The following ZNF264 variants were observed in gnomAD, a reference collection of about 807,000 sequenced individuals.
The protein encoded by ZNF264 is zinc finger protein 264.
In ZNF264, 11 loss-of-function variants were observed where a neutral mutation model predicts 11.2. That is an observed-to-expected ratio of 0.98 (90% CI 0.62 to 1.63). The LOEUF (loss-of-function observed/expected upper bound fraction) is 1.63, where lower values mean the gene tolerates loss of function less well. ZNF264 is among the 40% of genes most tolerant of loss of function. The pLI is 0.00. For synonymous variants in ZNF264, 309 were observed against 279.8 expected (o/e 1.10, Z -1.04); for missense variants, 752 against 768.1 (o/e 0.98, Z 0.25).
chr19:57,192,685 C>A, intron 1 of ZNF264: 1 of 471,394 alleles, frequency 2.1e-6, no homozygotes, highest in Non-Finnish European at 2.8e-6. Flanking sequence ...TCCAGTGCCG[C>A]TCTGTGGGGT....
rs1437280967 is a variant in ZNF264 at position 57,215,553 on chromosome 19, A to G, written c.*2572A>G. 1.3e-5 allele frequency: 2 copies of G among 152,072 alleles called. No individual in the cohort carries two copies. Among genetic ancestry groups the G allele is most frequent in the African/African-American group, 2.4e-5 (1 of 41,426 alleles). The allele number at this position is 152,072 out of a possible 1,614,324, so 9.4% of individuals were successfully genotyped here. On this transcript the variant is annotated 3_prime_UTR_variant, in exon 4 of 4. Transcript: ENST00000263095. ...TTCTTTGATTTCTGCTCTGATCGGT[A>G]TTATATTCCACTTGCTTTGGTTGTA...
Position 57,200,959 on chromosome 19 carries a change from C to A in ZNF264, c.161-4438C>A, listed in dbSNP as rs190913856. Among the ~76,000 whole-genome samples the A allele has an allele frequency of 6.2e-4, 94 of 151,864 alleles. 1 individual carries two copies. The highest frequency in any genetic ancestry group is 1.0e-4 in the Non-Finnish European group (7 of 68,014). ...TTTTTATACATTTGTTATATATGTGCTATATATAATTACCATATATGATTT... is the reference window on the plus strand; with the variant it reads ...TTTTTATACATTTGTTATATATGTGATATATATAATTACCATATATGATTT... On this transcript the variant is annotated intron_variant, in intron 2 of 3. Transcript: ENST00000263095.
intron 2 of ZNF264, among the ~76,000 whole-genome samples, chr19:57,197,881 G>A (rs1159959961): frequency 6.6e-6 from 1 of 151,910 alleles, no homozygotes; most frequent in Non-Finnish European, 1.5e-5. Context: ...CCATCCTCTG[G>A]CACACAGATG....
chr19:57,193,547 C>A lies in ZNF264; in HGVS notation c.34-328C>A, dbSNP rs983770881. On this transcript the variant is annotated intron_variant, in intron 1 of 3. Coordinates refer to ENST00000263095, the MANE Select transcript of ZNF264 (RefSeq NM_003417.5). ...CTGGACCAGTGAGACTCAGGTACTGCCGTTGTAACCATTATTGCTATTATT... is the reference window on the plus strand; with the variant it reads ...CTGGACCAGTGAGACTCAGGTACTGACGTTGTAACCATTATTGCTATTATT... The A allele has an allele frequency of 3.0e-5, 30 of 984,938 alleles. No homozygotes were observed. The African/African-American group carries it at 4.4e-4, about 14-fold the overall frequency. 61.0% of individuals were successfully genotyped at this position (984,938 alleles called of 1,614,324 possible).
Position 57,191,857 on chromosome 19 carries a change from T to C in ZNF264, c.-57T>C. 1.6e-6 allele frequency: 2 copies of C among 1,242,572 alleles called. No individual in the cohort carries two copies. Among genetic ancestry groups the C allele is most frequent in the Middle Eastern group, 2.9e-4 (1 of 3,402 alleles). 77.0% of individuals were successfully genotyped at this position (1,242,572 alleles called of 1,614,324 possible). Reference sequence around the variant, plus strand: ...CGGCCAGGGTCGGGCACAGGTGGGGTCCGTCAGGCCGCCCGGGGCTCCTCT... The same window carrying C: ...CGGCCAGGGTCGGGCACAGGTGGGGCCCGTCAGGCCGCCCGGGGCTCCTCT... On this transcript the variant is annotated 5_prime_UTR_variant, in exon 1 of 4. Transcript: ENST00000263095.
chr19:57,200,484 T>G (rs960241792), intron 2 of ZNF264, among the ~76,000 whole-genome samples: 2 of 151,566 alleles, frequency 1.3e-5, no homozygotes, highest in Admixed American at 1.3e-4. Context: ...TACCCTGTTT[T>G]ACTCCCCCAC....
rs2087353726 is a variant in ZNF264 at position 57,213,058 on chromosome 19, C to T, written c.*77C>T. On this transcript the variant is annotated 3_prime_UTR_variant, in exon 4 of 4. Transcript: ENST00000263095. ...AATTCGTTCAGTCTAGAGCCTTATT[C>T]TCCATCTGATAATTTATCCTGGAGA... 1 of 1,397,722 alleles carries T rather than the reference C, an allele frequency of 7.2e-7. No homozygotes were observed. The highest frequency in any genetic ancestry group is 2.2e-5 in the Admixed American group (1 of 45,202). The allele number at this position is 1,397,722 out of a possible 1,614,324, so 86.6% of individuals were successfully genotyped here. A position where few individuals can be genotyped will look rare whatever the true frequency, so the allele number is the denominator to read the frequency against.
At chr19:57,204,560 C>T (rs530260615) in intron 2 of ZNF264, among the ~76,000 whole-genome samples, 115 of 152,262 alleles carry the variant, frequency 7.6e-4, no homozygotes, top group African/African-American at 2.6e-3. Context: ...TGCCTTTCTC[C>T]GCCTTGTGTC....
At position 57,191,831 on chromosome 19, in the gene ZNF264, C is replaced by T; in HGVS notation, c.-83C>T. The T allele has an allele frequency of 8.7e-7, 1 of 1,153,266 alleles. No individual in the cohort carries two copies. The allele number at this position is 1,153,266 out of a possible 1,614,324, so 71.4% of individuals were successfully genotyped here. ...GAGCGCGCCTGGAAGCCCCGGGCAA[C>T]CGGCCAGGGTCGGGCACAGGTGGGG... On this transcript the variant is annotated 5_prime_UTR_variant, in exon 1 of 4. Coordinates refer to ENST00000263095, the MANE Select transcript of ZNF264 (RefSeq NM_003417.5).
At chr19:57,206,527 C>T (rs942158449) in intron 3 of ZNF264, among the ~76,000 whole-genome samples, 2 of 152,064 alleles carry the variant, frequency 1.3e-5, no homozygotes, top group African/African-American at 4.8e-5. Flanking sequence ...CGTGAGTCAC[C>T]GCGCCTGGCC....
chr19:57,198,085 C>T (rs2087225397), intron 2 of ZNF264, among the ~76,000 whole-genome samples: 1 of 152,000 alleles, frequency 6.6e-6, no homozygotes, highest in African/African-American at 2.4e-5. Flanking sequence ...TATTGCTGGC[C>T]TTGCCAGCTG....
intron 2 of ZNF264, among the ~76,000 whole-genome samples, chr19:57,203,992 C>A (rs1031236387): frequency 1.3e-5 from 2 of 152,134 alleles, no homozygotes; most frequent in Admixed American, 1.3e-4. Context: ...CGAGACCATC[C>A]TGGCTAACAC....
Position 57,191,594 on chromosome 19 carries a change from A to C in ZNF264, c.-320A>C, listed in dbSNP as rs935800692. ...GTCCCTAGTCAGGACCGAGCAGGGGAGTAGGATAGGAATCCCCGCCGCACC... is the reference window on the plus strand; with the variant it reads ...GTCCCTAGTCAGGACCGAGCAGGGGCGTAGGATAGGAATCCCCGCCGCACC... On this transcript the variant is annotated 5_prime_UTR_variant, in exon 1 of 4. Transcript: ENST00000263095. The C allele has an allele frequency of 3.1e-6, 1 of 323,360 alleles. No homozygotes were observed. Among genetic ancestry groups the C allele is most frequent in the Non-Finnish European group, 5.6e-6 (1 of 178,290 alleles). 20.0% of individuals were successfully genotyped at this position (323,360 alleles called of 1,614,324 possible).
chr19:57,195,536 C>G (rs750651647), intron 2 of ZNF264, among the ~76,000 whole-genome samples: 4 of 152,074 alleles, frequency 2.6e-5, no homozygotes, highest in Admixed American at 2.0e-4. Context: ...AACCTTCATT[C>G]CTGAAGGGTC....
intron 3 of ZNF264, among the ~76,000 whole-genome samples, chr19:57,210,574 A>G (rs1599953904): frequency 1.3e-5 from 2 of 152,186 alleles, no homozygotes. Flanking sequence ...AATGTTGCCA[A>G]CCCAGGAAAC....
Position 57,220,598 on chromosome 19 carries a change from T to G in ZNF264, c.*7617T>G, listed in dbSNP as rs1442179939. 1 of 152,234 alleles carries G rather than the reference T, an allele frequency of 6.6e-6. No homozygotes were observed. The highest frequency in any genetic ancestry group is 1.5e-5 in the Non-Finnish European group (1 of 68,034). The allele number at this position is 152,234 out of a possible 1,614,324, so 9.4% of individuals were successfully genotyped here. A position where few individuals can be genotyped will look rare whatever the true frequency, so the allele number is the denominator to read the frequency against. On this transcript the variant is annotated 3_prime_UTR_variant, in exon 4 of 4. Transcript: ENST00000263095. ...GTAGACCCTCCATATATGTGTGTGT[T>G]TTGGTGAATGGCCACACACAGCAAA...
chr19:57,212,929 C>G lies in ZNF264; in HGVS notation c.1832C>G (p.Ser611Cys), dbSNP rs2087352458. Residue 611 changes from serine to cysteine, a missense_variant, in exon 4 of 4, where the codon TCT (serine) becomes TGT (cysteine). By Grantham distance (112) the Ser-to-Cys change is moderately radical. Coordinates refer to ENST00000263095, the MANE Select transcript of ZNF264 (RefSeq NM_003417.5). ...ATTTTGCCAGAGGAAACATCTTCCT[C>G]TGCATCTGATCAACCATACCAAAGA... ...ANILPEETSS[S>C]ASDQPYQRET... 1.2e-6 allele frequency: 2 copies of G among 1,614,108 alleles called. No homozygotes were observed. Among genetic ancestry groups the G allele is most frequent in the Non-Finnish European group, 1.7e-6 (2 of 1,179,962 alleles).
chr19:57,200,935 T>G (rs1599948118), intron 2 of ZNF264, among the ~76,000 whole-genome samples: 1 of 152,016 alleles, frequency 6.6e-6, no homozygotes, highest in Non-Finnish European at 1.5e-5. Flanking sequence ...ATAAAATTTT[T>G]TTTATACATT....
At chr19:57,207,722 T>C (rs2087303941) in intron 3 of ZNF264, among the ~76,000 whole-genome samples, 1 of 151,186 alleles carries the variant, frequency 6.6e-6, no homozygotes, top group African/African-American at 2.4e-5. Context: ...GCTTGTTTGT[T>C]TTTTGTTTTG....
Sources: allele counts gnomAD v4.1 joint callset (sites outside exome capture counted in the v4.1 genomes callset), GRCh38; gene constraint gnomAD v4.1.1; transcripts MANE v1.5; gene names NCBI Gene and HGNC (gene_info 2026-07-23, HGNC 2026-07-21).